The following PDCD6 variants were observed in gnomAD, a reference collection of about 807,000 sequenced individuals.
PDCD6 encodes the protein programmed cell death protein 6.
PDCD6 carries 12 observed loss-of-function variants against 28.3 expected under a neutral mutation model. That is an observed-to-expected ratio of 0.42 (90% CI 0.27 to 0.69). The LOEUF (loss-of-function observed/expected upper bound fraction) is 0.69. Among genes scored for constraint, PDCD6 ranks in the 30% least tolerant of loss-of-function variants. The probability of loss-of-function intolerance (pLI) is 0.22; values close to 1 mark genes in which losing one functional copy is unlikely to be tolerated. For synonymous variants in PDCD6, 92 were observed against 108.0 expected (o/e 0.85, Z 0.92); for missense variants, 226 against 269.9 (o/e 0.84, Z 1.14).
intron 2 of PDCD6, among the ~76,000 whole-genome samples, chr5:296,959 C>T (rs1386525866): frequency 6.6e-6 from 1 of 152,200 alleles, no homozygotes; most frequent in African/African-American, 2.4e-5. Context: ...CTCAAGTTCT[C>T]TGGTGCCCGA....
chr5:306,907 T>C, intron 4 of PDCD6, 147 bp downstream of exon 4: 2 of 778,696 alleles, frequency 2.6e-6, no homozygotes, highest in East Asian at 2.5e-5. Context: ...ATATTTGATA[T>C]TGCTCATGTC....
At chr5:308,232 C>G (rs1404413119) in intron 4 of PDCD6, 1 of 152,326 alleles carries the variant, frequency 6.6e-6, no homozygotes, top group Non-Finnish European at 1.5e-5. Flanking sequence ...CTGGAGCTCC[C>G]TTTGTCCATG....
intron 2 of PDCD6, among the ~76,000 whole-genome samples, chr5:277,943 C>T (rs28464247): frequency 0.24 from 35,649 of 150,236 alleles, 6,604 homozygotes; most frequent in African/African-American, 0.52. Context: ...ATAGAATAAC[C>T]CTTGTTTAGG....
intron 2 of PDCD6, among the ~76,000 whole-genome samples, chr5:273,683 C>A (rs541480781): frequency 1.5e-5 from 2 of 137,836 alleles, no homozygotes; most frequent in East Asian, 3.9e-4. Context: ...TGCCTCACTG[C>A]GCTGTGGGTG....
intron 2 of PDCD6, among the ~76,000 whole-genome samples, chr5:296,819 T>G (rs1739646477): frequency 6.6e-6 from 1 of 152,126 alleles, no homozygotes; most frequent in Non-Finnish European, 1.5e-5. Context: ...AGAGTCTGTT[T>G]TCATCGACAG....
chr5:307,883 G>A lies in PDCD6; in HGVS notation c.367+1123G>A, dbSNP rs1262152470. Reference sequence around the variant, plus strand: ...CGAGCTTGTCCACAGGGCCGGGGGTGGACACTGGGTCTCCTCAAGAAGCAG... The same window carrying A: ...CGAGCTTGTCCACAGGGCCGGGGGTAGACACTGGGTCTCCTCAAGAAGCAG... On this transcript the variant is annotated intron_variant, in intron 4 of 5. Transcript: ENST00000264933. The surrounding 1 kb of genome is among the most constrained non-coding windows in gnomAD (Gnocchi z 6.1). 1.3e-5 allele frequency among the ~76,000 whole-genome samples: 2 copies of A among 152,146 alleles called. No individual in the cohort carries two copies. Among genetic ancestry groups the A allele is most frequent in the South Asian group, 4.2e-4 (2 of 4,816 alleles).
chr5:282,277 G>C lies in PDCD6; in HGVS notation c.163+9505G>C, dbSNP rs915772658. Among the ~76,000 whole-genome samples, 25 of 139,920 alleles carry C rather than the reference G, an allele frequency of 1.8e-4. No individual in the cohort carries two copies. The South Asian group carries it at 3.0e-3, about 17-fold the overall frequency. The allele number at this position is 139,920 out of a possible 152,430, so 91.8% of individuals were successfully genotyped here. ...GGGTGGTGCAGCGGAAAAATCGGGG[G>C]GGGGGGAGCTGATGTTGTTCGCGTT... On this transcript the variant is annotated intron_variant, in intron 2 of 5. Transcript: ENST00000264933.
At position 314,887 on chromosome 5, in the gene PDCD6, C is replaced by T; in HGVS notation, c.*372C>T. ...AATAACATGGAACTTACACAAAAGG[C>T]TTTTCATGTGCCTTACTTTTTTAAA... On this transcript the variant is annotated 3_prime_UTR_variant, in exon 6 of 6. Transcript: ENST00000264933. The T allele has an allele frequency of 2.9e-6, 1 of 345,208 alleles. No individual in the cohort carries two copies. The highest frequency in any genetic ancestry group is 2.4e-5 in the South Asian group (1 of 41,200). 21.4% of individuals were successfully genotyped at this position (345,208 alleles called of 1,614,324 possible). A position where few individuals can be genotyped will look rare whatever the true frequency, so the allele number is the denominator to read the frequency against.
At chr5:277,138 GTT>G (rs921587180) in intron 2 of PDCD6, among the ~76,000 whole-genome samples, 1 of 151,996 alleles carries the variant, frequency 6.6e-6, no homozygotes, top group African/African-American at 2.4e-5. Context: ...TTTTATGTGT[GTT>G]TTTGAGACAG....
intron 5 of PDCD6, chr5:311,658 G>T: frequency 2.2e-6 from 1 of 461,350 alleles, no homozygotes; most frequent in Non-Finnish European, 3.9e-6. Context: ...TTATTTACAT[G>T]TATGTTCTGG....
chr5:284,348 C>T (rs1317234394), intron 2 of PDCD6, among the ~76,000 whole-genome samples: 4 of 152,080 alleles, frequency 2.6e-5, no homozygotes, highest in Admixed American at 2.6e-4. Flanking sequence ...GCTGAAGACT[C>T]GGGGAGGAGC....
intron 2 of PDCD6, chr5:276,832 C>T (rs1347292270): frequency 2.0e-6 from 2 of 985,250 alleles, no homozygotes; most frequent in Admixed American, 6.2e-5. Flanking sequence ...GACTTGTTTG[C>T]ACAGGAGAGC....
intron 2 of PDCD6, among the ~76,000 whole-genome samples, chr5:296,290 C>T (rs1739604833): frequency 6.6e-6 from 1 of 152,128 alleles, no homozygotes; most frequent in East Asian, 1.9e-4. Flanking sequence ...GTCCTCTCCC[C>T]CACCCCAGCC....
chr5:272,506 G>T (rs1354896575), intron 1 of PDCD6, among the ~76,000 whole-genome samples: 1 of 141,806 alleles, frequency 7.1e-6, no homozygotes, highest in African/African-American at 2.9e-5. Flanking sequence ...TTGAGGTGAA[G>T]ATGATTGTCC....
At chr5:284,608 C>T (rs151088014) in intron 2 of PDCD6, among the ~76,000 whole-genome samples, 110 of 151,964 alleles carry the variant, frequency 7.2e-4, no homozygotes, top group Non-Finnish European at 1.2e-3. Context: ...AGCTAGAGAC[C>T]TGGTTGGGAG....
intron 2 of PDCD6, among the ~76,000 whole-genome samples, chr5:296,151 G>T (rs1739595847): frequency 6.6e-6 from 1 of 152,138 alleles, no homozygotes; most frequent in South Asian, 2.1e-4. Flanking sequence ...AGACCAAAAG[G>T]ATCCATTTCT....
At chr5:275,983 T>G (rs1041788274) in intron 2 of PDCD6, 1 of 1,286,274 alleles carries the variant, frequency 7.8e-7, no homozygotes, top group African/African-American at 1.5e-5. Context: ...CTTTGGGCTC[T>G]AAGCTTCTTC....
rs766748501 is a variant in PDCD6, at chr5:314,449, G to A, written c.510G>A (p.Thr170=). ...CGGATATATTCAGACGTTACGACAC[G>A]GATCAGGACGGCTGGATTCAGGTGT... ...RLTDIFRRYD[T]DQDGWIQVSY... The change falls in exon 6 of 6, where the codon ACG becomes ACA. Residue 170 remains threonine, a synonymous_variant. Coordinates refer to ENST00000264933, the MANE Select transcript of PDCD6 (RefSeq NM_013232.4). The A allele has an allele frequency of 1.1e-5, 18 of 1,613,652 alleles. No homozygotes were observed. Among genetic ancestry groups the A allele is most frequent in the Non-Finnish European group, 1.4e-5 (17 of 1,179,890 alleles).
At chr5:296,079 C>G (rs1186706086) in intron 2 of PDCD6, among the ~76,000 whole-genome samples, 1 of 152,120 alleles carries the variant, frequency 6.6e-6, no homozygotes, top group Non-Finnish European at 1.5e-5. Context: ...CCTGGGAGGC[C>G]TGATGGTCAG....
Sources: allele counts gnomAD v4.1 joint callset (sites outside exome capture counted in the v4.1 genomes callset), GRCh38; gene constraint gnomAD v4.1.1; non-coding constraint Gnocchi (gnomAD v3.1); transcripts MANE v1.5; gene names NCBI Gene and HGNC (gene_info 2026-07-23, HGNC 2026-07-21).